Variants in GNG7 observed in about 807,000 individuals in gnomAD.
The protein encoded by GNG7 is guanine nucleotide-binding protein G(I)/G(S)/G(O) subunit gamma-7.
GNG7 carries 1 observed loss-of-function variant against 4.0 expected under a neutral mutation model. The ratio of observed to expected loss-of-function variants is 0.25; its 90% CI spans 0.09 to 1.18. The LOEUF is 1.18. Among genes scored for constraint, GNG7 ranks in the 50% most tolerant of loss-of-function variants. The pLI, the probability that GNG7 is intolerant of heterozygous loss-of-function variation, is 0.50. For synonymous variants in GNG7, 34 were observed against 36.9 expected (o/e 0.92, Z 0.29); for missense variants, 86 against 91.9 (o/e 0.94, Z 0.26).
At chr19:2,575,653 G>A (rs372541392) in intron 2 of GNG7, among the ~76,000 whole-genome samples, 21 of 117,530 alleles carry the variant, frequency 1.8e-4, no homozygotes, top group East Asian at 1.4e-3. Flanking sequence ...ACGCAGACAC[G>A]CAGGCACACG....
intron 2 of GNG7, among the ~76,000 whole-genome samples, chr19:2,644,440 A>G (rs559663808): frequency 7.8e-6 from 1 of 128,210 alleles, no homozygotes; most frequent in African/African-American, 2.9e-5. Context: ...CATACAGTGC[A>G]CCCATTTAAA....
At chr19:2,517,798 C>T (rs961169182) in intron 4 of GNG7, among the ~76,000 whole-genome samples, 2 of 152,320 alleles carry the variant, frequency 1.3e-5, no homozygotes, top group East Asian at 1.9e-4. Context: ...AGGCATGAGC[C>T]GCCTCGCCTG....
intron 3 of GNG7, among the ~76,000 whole-genome samples, chr19:2,521,609 C>T (rs1004037395): frequency 1.7e-5 from 1 of 57,302 alleles, no homozygotes; most frequent in African/African-American, 7.4e-5. Flanking sequence ...TGTCCCCCTC[C>T]GTGTTTTTTT....
chr19:2,650,637 G>T (rs1982787227), intron 1 of GNG7, among the ~76,000 whole-genome samples: 1 of 152,180 alleles, frequency 6.6e-6, no homozygotes, highest in South Asian at 2.1e-4. Flanking sequence ...TCTGCACTCG[G>T]CCTCAGAGCA....
At chr19:2,581,503 C>A (rs1415064342) in intron 2 of GNG7, among the ~76,000 whole-genome samples, 1 of 152,038 alleles carries the variant, frequency 6.6e-6, no homozygotes, top group Non-Finnish European at 1.5e-5. Flanking sequence ...CCTCCCTGGT[C>A]CCTGGTGTTG....
At chr19:2,517,607 C>T (rs1474393652) in intron 4 of GNG7, among the ~76,000 whole-genome samples, 3 of 152,104 alleles carry the variant, frequency 2.0e-5, no homozygotes, top group South Asian at 4.1e-4. Context: ...TCAGGTGGCC[C>T]GCCCACCTCA....
intron 3 of GNG7, among the ~76,000 whole-genome samples, chr19:2,521,183 G>A (rs947528012): frequency 5.3e-5 from 8 of 151,822 alleles, no homozygotes; most frequent in Admixed American, 1.3e-4. Context: ...GGAGAATGAC[G>A]TGAACCCGGG....
intron 3 of GNG7, among the ~76,000 whole-genome samples, chr19:2,537,841 C>T (rs186415583): frequency 4.7e-4 from 71 of 152,210 alleles, no homozygotes; most frequent in African/African-American, 6.5e-4. Flanking sequence ...TTTGGGAGGC[C>T]GAGGCAGGCA....
rs141772470 is a variant in GNG7 at position 2,698,145 on chromosome 19, T to C, written c.-135+4501A>G. Among the ~76,000 whole-genome samples the C allele has an allele frequency of 7.6e-3, 1,152 of 151,048 alleles. 19 individuals carry two copies. Among genetic ancestry groups the C allele is most frequent in the African/African-American group, 0.027 (1,095 of 40,960 alleles). ...AGCTGGGTGTGGTGGTGGGTGCCTG[T>C]AGTCCCAGCTACTCGGGAGGCTGAG... On this transcript the variant is annotated intron_variant, in intron 1 of 4. Coordinates refer to ENST00000382159, the MANE Select transcript of GNG7 (RefSeq NM_052847.3).
At chr19:2,525,985 T>TTTTTTTTTTTTTC (rs1399420023) in intron 3 of GNG7, among the ~76,000 whole-genome samples, 1 of 142,174 alleles carries the variant, frequency 7.0e-6, no homozygotes, top group Non-Finnish European at 1.5e-5. Flanking sequence ...TTTTTTTTTT[T>TTTTTTTTTTTTTC]TTTGAGACAG....
At chr19:2,652,509 C>T (rs1375380731) in intron 1 of GNG7, among the ~76,000 whole-genome samples, 1 of 152,114 alleles carries the variant, frequency 6.6e-6, no homozygotes, top group African/African-American at 2.4e-5. Flanking sequence ...ATCCCAGCTA[C>T]TCAGGAGGCT....
Position 2,568,292 on chromosome 19 carries a change from T to TACACAC in GNG7, c.-77-13110_-77-13105dup, listed in dbSNP as rs760407277. On this transcript the variant is annotated intron_variant, in intron 2 of 4. Transcript: ENST00000382159. ...AGACACATATAGACTTACACACATA[T>TACACAC]ACACACGCACACACATACACACGCA... Among the ~76,000 whole-genome samples, 24 of 66,878 alleles carry TACACAC rather than the reference T, an allele frequency of 3.6e-4. No homozygotes were observed. In the South Asian group the frequency reaches 5.0e-3, roughly 14 times the overall value. The allele number at this position is 66,878 out of a possible 152,430, so 43.9% of individuals were successfully genotyped here.
At position 2,546,036 on chromosome 19, in the gene GNG7, G is replaced by A. The variant is rs1211512726; in HGVS notation, c.-38+9113C>T. On this transcript the variant is annotated intron_variant, in intron 3 of 4. Coordinates refer to ENST00000382159, the MANE Select transcript of GNG7 (RefSeq NM_052847.3). This position sits in a 1 kb window ranked among gnomAD's most constrained non-coding sequence, Gnocchi z 6.3. ...TTCCAGAGCGGACACAGGGCATCAG[G>A]GTGAGAAGGCACAGGGCAACGATCA... 6.6e-6 allele frequency among the ~76,000 whole-genome samples: 1 copy of A among 152,320 alleles called. No homozygotes were observed. Among genetic ancestry groups the A allele is most frequent in the East Asian group, 1.9e-4 (1 of 5,186 alleles).
intron 3 of GNG7, among the ~76,000 whole-genome samples, chr19:2,537,137 G>C (rs1462926634): frequency 6.6e-6 from 1 of 150,832 alleles, no homozygotes; most frequent in Admixed American, 6.6e-5. Flanking sequence ...GTTTAGTAGA[G>C]ACGGGGTTTC....
intron 2 of GNG7, among the ~76,000 whole-genome samples, chr19:2,615,813 C>A (rs1981709498): frequency 6.6e-6 from 1 of 152,170 alleles, no homozygotes; most frequent in African/African-American, 2.4e-5. Context: ...CTGCCCTCTG[C>A]AGTGGGAAAT....
intron 1 of GNG7, among the ~76,000 whole-genome samples, chr19:2,646,990 C>T (rs1008076183): frequency 3.9e-5 from 6 of 152,194 alleles, no homozygotes; most frequent in South Asian, 2.1e-4. Context: ...GTCCTGCATC[C>T]TGGGAAGTCC....
intron 1 of GNG7, among the ~76,000 whole-genome samples, chr19:2,695,213 C>A (rs1424730625): frequency 6.6e-6 from 1 of 151,970 alleles, no homozygotes; most frequent in African/African-American, 2.4e-5. Context: ...CCAATCCGTT[C>A]CCTGGCAAAC....
At chr19:2,539,845 C>T (rs970628624) in intron 3 of GNG7, among the ~76,000 whole-genome samples, 6 of 149,042 alleles carry the variant, frequency 4.0e-5, no homozygotes, top group African/African-American at 1.5e-4. Context: ...TCTCCTTTCT[C>T]CTTCCTGCCT....
chr19:2,673,909 A>C (rs1298365534), intron 1 of GNG7, among the ~76,000 whole-genome samples: 1 of 152,138 alleles, frequency 6.6e-6, no homozygotes, highest in Non-Finnish European at 1.5e-5. Context: ...CATTTGTGAT[A>C]ATTTGTTACA....
Sources: gnomAD v4.1 joint callset for allele counts (sites outside exome capture counted in the v4.1 genomes callset) on GRCh38, gnomAD v4.1.1 for gene constraint, Gnocchi (gnomAD v3.1) non-coding constraint, MANE v1.5 for transcripts, NCBI Gene and HGNC (gene_info 2026-07-23, HGNC 2026-07-21) for gene names.